Variants in GPC5 observed in about 807,000 individuals in gnomAD.
GPC5 encodes the protein glypican-5.
In GPC5, 47 loss-of-function variants were observed where a neutral mutation model predicts 53.9. That is an observed-to-expected ratio of 0.87 (90% confidence interval 0.69 to 1.11). The LOEUF is 1.11. GPC5 is among the 50% of genes most tolerant of loss of function. GPC5 has a pLI of 0.00. For synonymous variants in GPC5, 286 were observed against 263.3 expected, an observed-to-expected ratio of 1.09 and a Z score of -0.84; for missense variants, 748 against 713.1, an observed-to-expected ratio of 1.05 and a Z score of -0.56.
At chr13:91,409,741 T>C (rs188978246) in intron 1 of GPC5, among the ~76,000 whole-genome samples, 1 of 152,296 alleles carries the variant, frequency 6.6e-6, no homozygotes, top group African/African-American at 2.4e-5. Flanking sequence ...AGGGGGAACA[T>C]GTGCAGGTTT....
intron 5 of GPC5, among the ~76,000 whole-genome samples, chr13:91,833,553 G>A (rs992564528): frequency 6.6e-6 from 1 of 152,112 alleles, no homozygotes; most frequent in Admixed American, 6.6e-5. Context: ...CATCCACCAC[G>A]ATCAAGTCGC....
chr13:92,602,243 T>C lies in GPC5; in HGVS notation c.1562-264039T>C, dbSNP rs796847101. Among the ~76,000 whole-genome samples the C allele has an allele frequency of 8.2e-3, 1,128 of 137,252 alleles. 33 individuals are homozygous for C. Among genetic ancestry groups the C allele is most frequent in the African/African-American group, 0.025 (913 of 37,066 alleles). The allele number at this position is 137,252 out of a possible 152,430, so 90.0% of individuals were successfully genotyped here. A position where few individuals can be genotyped will look rare whatever the true frequency, so the allele number is the denominator to read the frequency against. The stretch of plus-strand genomic sequence containing the variant: ...TAAATATATATATAACATATATATA[T>C]ATATATATATATATATATATGCACA... On this transcript the variant is annotated intron_variant, in intron 7 of 7. Transcript: ENST00000377067.
chr13:91,885,626 T>G (rs555271000), intron 5 of GPC5, among the ~76,000 whole-genome samples: 38 of 152,316 alleles, frequency 2.5e-4, no homozygotes, highest in South Asian at 1.4e-3. Context: ...TTCTTTGCCC[T>G]CCAGAGCCCT....
At chr13:92,306,297 C>T (rs534290772) in intron 7 of GPC5, among the ~76,000 whole-genome samples, 1 of 152,270 alleles carries the variant, frequency 6.6e-6, no homozygotes, top group African/African-American at 2.4e-5. Context: ...CTGGAGATCT[C>T]AGACTCAATG....
At chr13:92,274,262 C>T (rs2042859975) in intron 7 of GPC5, among the ~76,000 whole-genome samples, 1 of 152,026 alleles carries the variant, frequency 6.6e-6, no homozygotes, top group South Asian at 2.1e-4. Flanking sequence ...TCTTCTTTAT[C>T]TTTCATTTTG....
chr13:92,167,343 A>G (rs1422277304), intron 7 of GPC5, among the ~76,000 whole-genome samples: 1 of 152,154 alleles, frequency 6.6e-6, no homozygotes, highest in Non-Finnish European at 1.5e-5. Context: ...CAAATTGTAT[A>G]TGGTTTTTAA....
intron 7 of GPC5, among the ~76,000 whole-genome samples, chr13:92,220,837 C>T (rs1594009706): frequency 6.6e-6 from 1 of 152,186 alleles, no homozygotes; most frequent in South Asian, 2.1e-4. Flanking sequence ...AAAAATTGGA[C>T]ACTAAAATTG....
intron 7 of GPC5, among the ~76,000 whole-genome samples, chr13:92,254,446 C>A (rs943669715): frequency 6.6e-6 from 1 of 151,956 alleles, no homozygotes; most frequent in Non-Finnish European, 1.5e-5. Context: ...CCTCTTTGAC[C>A]AGAAAAGGGA....
intron 6 of GPC5, among the ~76,000 whole-genome samples, chr13:92,116,387 A>C (rs1049781356): frequency 2.0e-5 from 3 of 152,198 alleles, no homozygotes; most frequent in African/African-American, 7.2e-5. Context: ...AACTCTGCCA[A>C]CACCTTGATC....
intron 7 of GPC5, among the ~76,000 whole-genome samples, chr13:92,550,103 C>T (rs551583893): frequency 6.6e-6 from 1 of 151,692 alleles, no homozygotes; most frequent in Non-Finnish European, 1.5e-5. Flanking sequence ...TGTTTTAAAT[C>T]TATAGGTTGT....
At chr13:92,495,911 G>A (rs1402883558) in intron 7 of GPC5, among the ~76,000 whole-genome samples, 6 of 151,894 alleles carry the variant, frequency 4.0e-5, no homozygotes, top group Non-Finnish European at 8.8e-5. Flanking sequence ...TTTAGAGTTA[G>A]AGGAATTTAA....
chr13:92,166,897 A>G (rs575969806), intron 7 of GPC5, among the ~76,000 whole-genome samples: 1 of 150,460 alleles, frequency 6.6e-6, no homozygotes, highest in South Asian at 2.1e-4. Flanking sequence ...TCTGATCTGT[A>G]TCCAAAATAA....
intron 6 of GPC5, among the ~76,000 whole-genome samples, chr13:92,057,998 G>A (rs2138848434): frequency 6.6e-6 from 1 of 152,118 alleles, no homozygotes; most frequent in South Asian, 2.1e-4. Context: ...AGGTCCTTTT[G>A]AGAGGGGAAA....
intron 7 of GPC5, among the ~76,000 whole-genome samples, chr13:92,441,132 C>T (rs938766586): frequency 2.6e-5 from 4 of 152,082 alleles, no homozygotes; most frequent in African/African-American, 9.7e-5. Context: ...GGTGCAGTGG[C>T]ACGATCTCGG....
intron 7 of GPC5, chr13:92,240,947 A>G (rs182310371): frequency 1.3e-5 from 2 of 152,348 alleles, no homozygotes; most frequent in Non-Finnish European, 1.5e-5. Context: ...TAGGTGGAAT[A>G]CCTATAGCTA....
At chr13:92,222,325 G>A (rs2042455568) in intron 7 of GPC5, among the ~76,000 whole-genome samples, 1 of 152,174 alleles carries the variant, frequency 6.6e-6, no homozygotes, top group Admixed American at 6.5e-5. Flanking sequence ...TTTTACAGTT[G>A]AGTGATTGTA....
intron 4 of GPC5, among the ~76,000 whole-genome samples, chr13:91,752,316 C>A (rs2037196658): frequency 6.6e-6 from 1 of 152,102 alleles, no homozygotes; most frequent in Non-Finnish European, 1.5e-5. Context: ...AACTTCTAGG[C>A]TGAAGCAATC....
chr13:92,282,218 A>G (rs1466964944), intron 7 of GPC5, among the ~76,000 whole-genome samples: 3 of 152,188 alleles, frequency 2.0e-5, no homozygotes, highest in East Asian at 1.9e-4. Flanking sequence ...AAAGAAATGA[A>G]CAAAGCCTCC....
intron 5 of GPC5, among the ~76,000 whole-genome samples, chr13:91,775,773 A>C (rs2037701690): frequency 6.6e-6 from 1 of 152,172 alleles, no homozygotes. Context: ...AGTTGTTTAG[A>C]TGTCTGTTTC....
Sources: allele counts gnomAD v4.1 joint callset (sites outside exome capture counted in the v4.1 genomes callset), GRCh38; gene constraint gnomAD v4.1.1; transcripts MANE v1.5; gene names NCBI Gene and HGNC (gene_info 2026-07-23, HGNC 2026-07-21).